NEK6: variants seen among roughly 807,000 people sequenced by gnomAD.
The protein encoded by NEK6 is serine/threonine-protein kinase Nek6.
In NEK6, 27 loss-of-function variants were observed where a neutral mutation model predicts 43.5. The ratio of observed to expected loss-of-function variants is 0.62; its 90% CI spans 0.46 to 0.86. The LOEUF is 0.86. Among genes scored for constraint, NEK6 ranks in the 40% least tolerant of loss-of-function variants. NEK6 has a pLI of 0.00. For synonymous variants in NEK6, 167 were observed against 164.1 expected, an observed-to-expected ratio of 1.02 and a Z score of -0.14; for missense variants, 318 against 414.4, an observed-to-expected ratio of 0.77 and a Z score of 2.02.
intron 1 of NEK6, chr9:124,258,424 G>A (rs1235769630): frequency 2.3e-6 from 2 of 876,530 alleles, no homozygotes; most frequent in Non-Finnish European, 2.7e-6. Flanking sequence ...GGGGACGACG[G>A]GCGGAGGAGT....
chr9:124,346,349 GA>G (rs2131089706), intron 8 of NEK6, among the ~76,000 whole-genome samples: 1 of 152,318 alleles, frequency 6.6e-6, no homozygotes, highest in South Asian at 2.1e-4. Flanking sequence ...GCAAGACCAG[GA>G]AACCCAAGCT....
At chr9:124,346,871 C>T (rs1278737745) in intron 8 of NEK6, among the ~76,000 whole-genome samples, 4 of 152,220 alleles carry the variant, frequency 2.6e-5, no homozygotes, top group Non-Finnish European at 5.9e-5. Flanking sequence ...GAACCGGTGC[C>T]GCAGGCCTCA....
intron 5 of NEK6, 61 bp downstream of exon 5, chr9:124,321,630 G>A (rs927434077): frequency 2.0e-5 from 23 of 1,130,932 alleles, no homozygotes; most frequent in Non-Finnish European, 2.8e-5. Flanking sequence ...AAAGGTGGCA[G>A]TCTTCCTTTA....
chr9:124,304,810 A>G (rs1833173375), intron 2 of NEK6, among the ~76,000 whole-genome samples: 2 of 152,214 alleles, frequency 1.3e-5, no homozygotes, highest in South Asian at 4.1e-4. Flanking sequence ...CGGCAGAACC[A>G]TATATGAAAT....
At chr9:124,325,652 T>C (rs780296455) in intron 5 of NEK6, among the ~76,000 whole-genome samples, 1 of 152,272 alleles carries the variant, frequency 6.6e-6, no homozygotes, top group Non-Finnish European at 1.5e-5. Context: ...CAGGACCTTC[T>C]GTTACTTACA....
intron 3 of NEK6, 98 bp downstream of exon 3, chr9:124,312,747 T>A: frequency 1.6e-6 from 2 of 1,246,820 alleles, no homozygotes; most frequent in Non-Finnish European, 2.2e-6. Context: ...CCCTCTTCTG[T>A]GAACGAGGGA....
chr9:124,318,453 T>C (rs1055216919), intron 4 of NEK6, among the ~76,000 whole-genome samples: 2 of 152,130 alleles, frequency 1.3e-5, no homozygotes, highest in African/African-American at 4.8e-5. Flanking sequence ...CCCAGGCTGT[T>C]CTCAAACTCC....
At chr9:124,328,951 A>G (rs1426227911) in intron 7 of NEK6, among the ~76,000 whole-genome samples, 1 of 152,190 alleles carries the variant, frequency 6.6e-6, no homozygotes, top group Non-Finnish European at 1.5e-5. Flanking sequence ...TGACAGCCCC[A>G]AGCATCCAGC....
At chr9:124,344,542 C>T (rs774568818) in intron 8 of NEK6, among the ~76,000 whole-genome samples, 71 of 152,286 alleles carry the variant, frequency 4.7e-4, no homozygotes, top group Non-Finnish European at 8.5e-4. Flanking sequence ...GCAGGCCAGG[C>T]GGTGGGGAGC....
chr9:124,327,454 G>T lies in NEK6; in HGVS notation c.622+9G>T, dbSNP rs1409542610. 2 of 1,605,144 alleles carry T rather than the reference G, an allele frequency of 1.2e-6. No homozygotes were observed. Among genetic ancestry groups the T allele is most frequent in the Non-Finnish European group, 1.7e-6 (2 of 1,173,926 alleles). The stretch of plus-strand genomic sequence containing the variant: ...CGCAGCCCACTCCCTAGGTAAGGGG[G>T]ACCTGTCTGTGCCCCAGCAGCCCCC... On this transcript the variant is annotated intron_variant, in intron 7 of 9. Coordinates refer to ENST00000320246, the MANE Select transcript of NEK6 (RefSeq NM_014397.6).
At position 124,351,422 on chromosome 9, in the gene NEK6, G is replaced by A. The variant is rs1830266915; in HGVS notation, c.*475G>A. ...AGCTGTGTGCTTAATTTACTCTGTT[G>A]TAAAGGGATAAAGTGGAAATCATTT... is the stretch of plus-strand genomic sequence containing the variant. On this transcript the variant is annotated 3_prime_UTR_variant, in exon 10 of 10. Transcript: ENST00000320246. 6.5e-6 allele frequency: 1 copy of A among 154,420 alleles called. No homozygotes were observed. The allele number at this position is 154,420 out of a possible 1,614,324, so 9.6% of individuals were successfully genotyped here.
chr9:124,351,072 AG>A lies in NEK6; in HGVS notation c.*127del. 1 of 641,268 alleles carries A rather than the reference AG, an allele frequency of 1.6e-6. No homozygotes were observed. The highest frequency in any genetic ancestry group is 4.2e-4 in the Middle Eastern group (1 of 2,376). The allele number at this position is 641,268 out of a possible 1,614,324, so 39.7% of individuals were successfully genotyped here. On this transcript the variant is annotated 3_prime_UTR_variant, in exon 10 of 10. Coordinates refer to ENST00000320246, the MANE Select transcript of NEK6 (RefSeq NM_014397.6). ...CACAGGGTTCAGCAGGTTCCCCAAA[AG>A]GCTGCCCAGCCTTACAGCAGATGCT...
Position 124,321,485 on chromosome 9 carries a change from G to C in NEK6, c.321G>C (p.Lys107Asn). The change falls in exon 5 of 10, where the codon AAG becomes AAC. Residue 107 changes from lysine to asparagine, a missense_variant. Lys to Asn is a moderately conservative substitution (Grantham distance 94). This residue lies in a region of NEK6 where 239 missense variants were observed against 344.4 expected (regional missense o/e 0.69). Coordinates refer to ENST00000320246, the MANE Select transcript of NEK6 (RefSeq NM_014397.6). Reference sequence around the variant, plus strand: ...AACTGAACCACCCAAATATCATCAAGTATTTGGACTCGTTTATCGAAGACA... The same window carrying C: ...AACTGAACCACCCAAATATCATCAACTATTTGGACTCGTTTATCGAAGACA... The part of the protein sequence containing the change: ...LKQLNHPNII[K>N]YLDSFIEDNE... 2.5e-6 allele frequency: 4 copies of C among 1,613,158 alleles called. No individual in the cohort carries two copies. Among genetic ancestry groups the C allele is most frequent in the Non-Finnish European group, 3.4e-6 (4 of 1,179,126 alleles).
At position 124,319,283 on chromosome 9, in the gene NEK6, C is replaced by T. The variant is rs145358776; in HGVS notation, c.295-2176C>T. On this transcript the variant is annotated intron_variant, in intron 4 of 9. Coordinates refer to ENST00000320246, the MANE Select transcript of NEK6 (RefSeq NM_014397.6). Reference sequence around the variant, plus strand: ...ACAGGCGTGAGCCACCATGTCCAGCCTCCTCTGCTCACTTTTTAATGTTTT... The same window carrying T: ...ACAGGCGTGAGCCACCATGTCCAGCTTCCTCTGCTCACTTTTTAATGTTTT... 5.9e-5 allele frequency among the ~76,000 whole-genome samples: 9 copies of T among 152,178 alleles called. No homozygotes were observed. The East Asian group carries it at 1.7e-3, about 29-fold the overall frequency.
chr9:124,330,779 G>A (rs1445673132), intron 7 of NEK6, among the ~76,000 whole-genome samples: 1 of 152,164 alleles, frequency 6.6e-6, no homozygotes, highest in East Asian at 1.9e-4. Flanking sequence ...GGGGACAGGT[G>A]GGACTGCCTC....
At chr9:124,341,688 G>A (rs1435954484) in intron 8 of NEK6, among the ~76,000 whole-genome samples, 1 of 152,162 alleles carries the variant, frequency 6.6e-6, no homozygotes, top group Non-Finnish European at 1.5e-5. Flanking sequence ...TCTCTCCACA[G>A]CCCAGCTCCT....
intron 4 of NEK6, among the ~76,000 whole-genome samples, chr9:124,315,644 C>G (rs142161550): frequency 1.3e-5 from 2 of 152,202 alleles, no homozygotes; most frequent in African/African-American, 2.4e-5. Flanking sequence ...CCCTTCTCCC[C>G]GAGTGAAGGA....
At chr9:124,298,508 A>G (rs1832807947) in intron 1 of NEK6, among the ~76,000 whole-genome samples, 1 of 149,660 alleles carries the variant, frequency 6.7e-6, no homozygotes, top group Non-Finnish European at 1.5e-5. Flanking sequence ...GCCCCTGGGG[A>G]CCCTGTGGAG....
intron 5 of NEK6, 117 bp downstream of exon 5, chr9:124,321,686 G>T (rs935587732): frequency 1.5e-6 from 1 of 681,208 alleles, no homozygotes; most frequent in Non-Finnish European, 2.5e-6. Context: ...CGGCCACCCG[G>T]GGACCCTGGG....
Sources: gnomAD v4.1 joint callset for allele counts (sites outside exome capture counted in the v4.1 genomes callset) on GRCh38, gnomAD v4.1.1 for gene constraint, gnomAD v4.1.1 regional missense constraint, MANE v1.5 for transcripts, NCBI Gene and HGNC (gene_info 2026-07-23, HGNC 2026-07-21) for gene names.